Variants in GMDS observed in about 807,000 individuals in gnomAD.
The protein encoded by GMDS is GDP-mannose 4,6-dehydratase, also known as GDP-mannose 4,6 dehydratase.
GMDS carries 20 observed loss-of-function variants against 49.9 expected under a neutral mutation model. That is an observed-to-expected ratio of 0.40 (90% CI 0.28 to 0.58). GMDS has a LOEUF of 0.58. GMDS is among the 20% of genes least tolerant of loss of function. The probability of loss-of-function intolerance (pLI) is 0.42; values close to 1 mark genes in which losing one functional copy is unlikely to be tolerated. For synonymous variants in GMDS, 177 were observed against 178.6 expected, an observed-to-expected ratio of 0.99 and a Z score of 0.07; for missense variants, 362 against 481.4, an observed-to-expected ratio of 0.75 and a Z score of 2.32.
chr6:2,101,218 T>A (rs1309499128), intron 4 of GMDS, among the ~76,000 whole-genome samples: 1 of 151,862 alleles, frequency 6.6e-6, no homozygotes, highest in African/African-American at 2.4e-5. Context: ...GATGTTTCTG[T>A]TGTAGTTAAA....
chr6:1,692,870 T>A (rs1765222130), intron 9 of GMDS, among the ~76,000 whole-genome samples: 1 of 152,256 alleles, frequency 6.6e-6, no homozygotes, highest in South Asian at 2.1e-4. Context: ...TTTTGATTGG[T>A]TCTTTTTCTC....
intron 4 of GMDS, among the ~76,000 whole-genome samples, chr6:2,105,022 A>AAT (rs1192368925): frequency 3.3e-5 from 5 of 151,920 alleles, no homozygotes; most frequent in African/African-American, 9.7e-5. Context: ...CTCTACCAAA[A>AAT]ACACAAAAAA....
At chr6:1,878,377 A>G (rs1581294090) in intron 7 of GMDS, among the ~76,000 whole-genome samples, 1 of 151,602 alleles carries the variant, frequency 6.6e-6, no homozygotes, top group African/African-American at 2.4e-5. Context: ...AATATTCCCC[A>G]AAGACATCCT....
intron 7 of GMDS, among the ~76,000 whole-genome samples, chr6:1,795,267 A>G (rs1403098160): frequency 6.6e-6 from 1 of 152,186 alleles, no homozygotes; most frequent in Admixed American, 6.5e-5. Flanking sequence ...TCTACATGCT[A>G]CCAAAGACTC....
chr6:1,729,208 A>C (rs6937688), intron 8 of GMDS, among the ~76,000 whole-genome samples: 1 of 152,142 alleles, frequency 6.6e-6, no homozygotes, highest in Non-Finnish European at 1.5e-5. Context: ...TTGTAACACT[A>C]GCTGAAATGG....
At position 1,978,988 on chromosome 6, in the gene GMDS, T is replaced by C. The variant is rs367570526; in HGVS notation, c.346-18022A>G. On this transcript the variant is annotated intron_variant, in intron 4 of 10. Transcript: ENST00000380815. The stretch of plus-strand genomic sequence containing the variant: ...CTAGGGTCTGGAGTGGCCAGACTAT[T>C]AAAAACAAACAAACATACAAACACA... Among the ~76,000 whole-genome samples, 14 of 152,126 alleles carry C rather than the reference T, an allele frequency of 9.2e-5. No homozygotes were observed. The East Asian group carries it at 2.3e-3, about 25-fold the overall frequency.
intron 9 of GMDS, among the ~76,000 whole-genome samples, chr6:1,653,909 A>G (rs1763792690): frequency 6.6e-6 from 1 of 152,192 alleles, no homozygotes; most frequent in Admixed American, 6.5e-5. Context: ...TAGATATGAC[A>G]CCAAAAGCAT....
chr6:2,184,455 G>T (rs1048236795), intron 1 of GMDS, among the ~76,000 whole-genome samples: 2 of 151,956 alleles, frequency 1.3e-5, no homozygotes, highest in South Asian at 2.1e-4. Flanking sequence ...TCCATCCCTT[G>T]AACACACTAA....
intron 6 of GMDS, among the ~76,000 whole-genome samples, chr6:1,938,479 A>T (rs926576349): frequency 1.6e-4 from 24 of 152,240 alleles, no homozygotes; most frequent in African/African-American, 5.1e-4. Flanking sequence ...CCATGCTGAC[A>T]GTATTTTCCC....
At chr6:1,923,041 TTC>T (rs1271449868) in intron 7 of GMDS, among the ~76,000 whole-genome samples, 1 of 152,182 alleles carries the variant, frequency 6.6e-6, no homozygotes, top group Non-Finnish European at 1.5e-5. Context: ...TTGGCTCTCA[TTC>T]TCTCTCTTCC....
At chr6:1,936,225 T>C (rs2127252983) in intron 6 of GMDS, among the ~76,000 whole-genome samples, 1 of 152,272 alleles carries the variant, frequency 6.6e-6, no homozygotes, top group East Asian at 1.9e-4. Context: ...AAGAATAAAA[T>C]ATCATGCTAC....
intron 6 of GMDS, among the ~76,000 whole-genome samples, chr6:1,936,432 A>G (rs1762534690): frequency 6.6e-6 from 1 of 152,214 alleles, no homozygotes; most frequent in Non-Finnish European, 1.5e-5. Context: ...AGGCACAGCC[A>G]GAAGTGGGAC....
chr6:2,126,206 G>C (rs1398307586), intron 1 of GMDS, among the ~76,000 whole-genome samples: 2 of 152,136 alleles, frequency 1.3e-5, no homozygotes, highest in African/African-American at 2.4e-5. Flanking sequence ...AAATTGGTTA[G>C]ACATTTTGCA....
intron 9 of GMDS, among the ~76,000 whole-genome samples, chr6:1,629,591 T>C (rs1002956025): frequency 2.6e-5 from 4 of 152,166 alleles, no homozygotes; most frequent in Admixed American, 6.5e-5. Flanking sequence ...GCCACCCTTA[T>C]GGAGGCTGCC....
chr6:1,851,976 G>C (rs1300419484), intron 7 of GMDS, among the ~76,000 whole-genome samples: 1 of 151,982 alleles, frequency 6.6e-6, no homozygotes, highest in Non-Finnish European at 1.5e-5. Context: ...CCTATCACTG[G>C]CAGGGAGAGG....
At chr6:2,139,723 G>C (rs949881770) in intron 1 of GMDS, among the ~76,000 whole-genome samples, 1 of 152,218 alleles carries the variant, frequency 6.6e-6, no homozygotes, top group Non-Finnish European at 1.5e-5. Flanking sequence ...TCTGACTCCA[G>C]AGACTCTTAT....
intron 1 of GMDS, among the ~76,000 whole-genome samples, chr6:2,195,925 G>C (rs1779257415): frequency 6.6e-6 from 1 of 151,698 alleles, no homozygotes; most frequent in Non-Finnish European, 1.5e-5. Flanking sequence ...AATTTCATTT[G>C]CAACTGTGGA....
At chr6:1,726,702 T>G (rs112102473) in intron 8 of GMDS, among the ~76,000 whole-genome samples, 190 bp from the exon 9 acceptor site, 2,418 of 152,328 alleles carry the variant, frequency 0.016, 30 homozygotes, top group Non-Finnish European at 0.024. Context: ...AGATCTGTTT[T>G]GCAAGGGCAG....
rs910770701 is a variant in GMDS, at chr6:1,793,008, T to C, written c.772-50422A>G. ...TCCTTATATTTTCCATCTCTCACTA[T>C]GAAATTCTTATTAGACGTTTTCACT... On this transcript the variant is annotated intron_variant, in intron 7 of 10. Coordinates refer to ENST00000380815, the MANE Select transcript of GMDS (RefSeq NM_001500.4). 2.6e-5 allele frequency among the ~76,000 whole-genome samples: 4 copies of C among 152,350 alleles called. No individual in the cohort carries two copies. The East Asian group carries it at 7.7e-4, about 29-fold the overall frequency.
Sources: gnomAD v4.1 joint callset for allele counts (sites outside exome capture counted in the v4.1 genomes callset) on GRCh38, gnomAD v4.1.1 for gene constraint, MANE v1.5 for transcripts, NCBI Gene and HGNC (gene_info 2026-07-23, HGNC 2026-07-21) for gene names.